The following HMCN1 variants were observed in gnomAD, a reference collection of about 807,000 sequenced individuals.
HMCN1 encodes hemicentin 1, also known as hemicentin-1.
HMCN1 carries 321 observed loss-of-function variants against 625.9 expected under a neutral mutation model. The observed-to-expected ratio is 0.51, with a 90% CI of 0.47 to 0.56. The LOEUF is 0.56. Among genes scored for constraint, HMCN1 ranks in the 20% least tolerant of loss-of-function variants. The pLI is 0.00. For synonymous variants in HMCN1, 2,425 were observed against 2,417.6 expected (o/e 1.00, Z -0.09); for missense variants, 6,588 against 6,887.3 (o/e 0.96, Z 1.54).
intron 30 of HMCN1, among the ~76,000 whole-genome samples, chr1:186,011,758 A>C (rs192429519): frequency 2.0e-4 from 30 of 152,320 alleles, no homozygotes; most frequent in African/African-American, 7.0e-4. Flanking sequence ...ACTTGTGACT[A>C]AAACAACACA....
Position 186,154,042 on chromosome 1 carries a change from AAAAATTC to A in HMCN1, c.15256+61_15256+67del. The A allele has an allele frequency of 2.1e-6, 3 of 1,423,540 alleles. No individual in the cohort carries two copies. In the South Asian group the frequency reaches 3.5e-5, roughly 17 times the overall value. The allele number at this position is 1,423,540 out of a possible 1,614,324, so 88.2% of individuals were successfully genotyped here. ...TATGCCATCCAGTCTAAAGGGTTAA[AAAAATTC>A]AAAATAAGGACATTGAGGCCTACAT... On this transcript the variant is annotated intron_variant, in intron 97 of 106. Coordinates refer to ENST00000271588, the MANE Select transcript of HMCN1 (RefSeq NM_031935.3).
At chr1:185,879,719 G>C (rs185301255) in intron 4 of HMCN1, among the ~76,000 whole-genome samples, 1 of 152,302 alleles carries the variant, frequency 6.6e-6, no homozygotes, top group Admixed American at 6.5e-5. Context: ...TTGTGAGAAA[G>C]TAAGACGTCT....
At position 185,989,527 on chromosome 1, in the gene HMCN1, G is replaced by A. The variant is rs1249094634; in HGVS notation, c.3088G>A (p.Ala1030Thr). The change falls in exon 21 of 107, where the codon GCA (alanine) becomes ACA (threonine). Residue 1030 changes from alanine to threonine, a missense_variant. By Grantham distance (58) the Ala-to-Thr change is moderately conservative (BLOSUM62 0). Coordinates refer to ENST00000271588, the MANE Select transcript of HMCN1 (RefSeq NM_031935.3). ...LISTSSAKFS[A>T]GADGSLYVVS... is the part of the protein sequence containing the mutation. ...TTCAACCAGCAGTGCTAAGTTTTCA[G>A]CAGGAGCTGATGGTAGTCTGTATGT... 2.5e-6 allele frequency: 4 copies of A among 1,614,094 alleles called. No individual in the cohort carries two copies. The South Asian group carries it at 4.4e-5, about 18-fold the overall frequency.
intron 6 of HMCN1, among the ~76,000 whole-genome samples, chr1:185,916,396 G>A (rs1444777357): frequency 6.6e-6 from 1 of 152,036 alleles, no homozygotes; most frequent in Non-Finnish European, 1.5e-5. Context: ...GAGGAAAGTG[G>A]GGGAAAATAG....
At chr1:185,750,547 T>C (rs1261321104) in intron 1 of HMCN1, among the ~76,000 whole-genome samples, 1 of 152,180 alleles carries the variant, frequency 6.6e-6, no homozygotes, top group East Asian at 1.9e-4. Context: ...TTGTTCATTT[T>C]ATCTTTAAAT....
At chr1:186,013,724 A>G (rs534793563) in intron 30 of HMCN1, among the ~76,000 whole-genome samples, 24 of 152,260 alleles carry the variant, frequency 1.6e-4, no homozygotes, top group Middle Eastern at 6.8e-3. Context: ...AAAATAAAAT[A>G]GTGAGGGTAT....
intron 82 of HMCN1, 120 bp from the exon 83 acceptor site, chr1:186,127,958 G>A (rs1250601585): frequency 1.7e-5 from 15 of 861,722 alleles, no homozygotes; most frequent in South Asian, 2.9e-5. Context: ...CTAAAAGATG[G>A]AAATTTAAAT....
chr1:186,122,776 G>A (rs983787928), intron 80 of HMCN1, among the ~76,000 whole-genome samples, 175 bp from the exon 81 acceptor site: 3 of 152,048 alleles, frequency 2.0e-5, no homozygotes, highest in Admixed American at 6.5e-5. Flanking sequence ...TTTCTGAAGT[G>A]CGCCCAGATA....
intron 36 of HMCN1, among the ~76,000 whole-genome samples, chr1:186,028,967 C>T (rs12032245): frequency 6.6e-6 from 1 of 151,630 alleles, no homozygotes; most frequent in Non-Finnish European, 1.5e-5. Context: ...CCTCGTGATC[C>T]GTGATCCGTC....
chr1:185,864,643 AC>A lies in HMCN1; in HGVS notation c.498+19del. ...AACAGTCACAAGTGAGTAAGAATCA[AC>A]CCCAAACGTCTCTGTCTAAATGCAG... On this transcript the variant is annotated intron_variant, in intron 3 of 106. Transcript: ENST00000271588. The A allele has an allele frequency of 6.2e-7, 1 of 1,613,196 alleles. No individual in the cohort carries two copies.
intron 11 of HMCN1, among the ~76,000 whole-genome samples, chr1:185,951,724 A>G (rs528243308): frequency 1.8e-4 from 28 of 151,746 alleles, no homozygotes; most frequent in Non-Finnish European, 3.4e-4. Context: ...GGCTGAGGGC[A>G]TTTCTTGGCC....
intron 15 of HMCN1, among the ~76,000 whole-genome samples, chr1:185,977,384 G>A (rs2101988616): frequency 6.6e-6 from 1 of 152,060 alleles, no homozygotes; most frequent in East Asian, 1.9e-4. Flanking sequence ...TTCAACCAAA[G>A]GAGTAAGTTA....
intron 72 of HMCN1, 45 bp downstream of exon 72, chr1:186,112,998 A>G: frequency 1.9e-6 from 3 of 1,605,424 alleles, no homozygotes; most frequent in Non-Finnish European, 2.6e-6. Context: ...AATCTGACCA[A>G]GGGCATTCAA....
At position 185,803,205 on chromosome 1, in the gene HMCN1, C is replaced by CAAAAAAAAAAAAAAAAAAAAAAA; in HGVS notation, c.269-42803_269-42802insAAAAAAAAAAAAAAAAAAAAAAA. 4.6e-3 allele frequency among the ~76,000 whole-genome samples: 270 copies of CAAAAAAAAAAAAAAAAAAAAAAA among 58,706 alleles called. 1 individual carries two copies. The highest frequency in any genetic ancestry group is 7.7e-3 in the Non-Finnish European group (184 of 23,876). The allele number at this position is 58,706 out of a possible 152,430, so 38.5% of individuals were successfully genotyped here. ...AGCAGAACCAAAAAAAAAAAAAAAG[C>CAAAAAAAAAAAAAAAAAAAAAAA]AAAAAAAAAAAAAAAAAACAAAACA... On this transcript the variant is annotated intron_variant, in intron 1 of 106. Transcript: ENST00000271588.
At chr1:185,854,428 G>C (rs769080908) in intron 2 of HMCN1, among the ~76,000 whole-genome samples, 4 of 152,152 alleles carry the variant, frequency 2.6e-5, no homozygotes, top group Non-Finnish European at 5.9e-5. Context: ...AGTAACACTA[G>C]TTAAAGATTT....
chr1:186,137,924 G>A lies in HMCN1; in HGVS notation c.13876G>A (p.Glu4626Lys). ...AGTTCAGCATGGTGGGCGGCCATGTGAAGGGAATGCTGTGGAAATAATTAT... is the reference window on the plus strand; with the variant it reads ...AGTTCAGCATGGTGGGCGGCCATGTAAAGGGAATGCTGTGGAAATAATTAT... The part of the protein sequence containing the change: ...PSVQHGGRPC[E>K]GNAVEIIMCN... The change falls in exon 89 of 107, where the codon GAA (glutamate) becomes AAA (lysine). Residue 4626 changes from glutamate to lysine, a missense_variant. By Grantham distance (56) the Glu-to-Lys change is moderately conservative. Coordinates refer to ENST00000271588, the MANE Select transcript of HMCN1 (RefSeq NM_031935.3). The A allele has an allele frequency of 6.2e-7, 1 of 1,614,052 alleles. No individual in the cohort carries two copies. Among genetic ancestry groups the A allele is most frequent in the Non-Finnish European group, 8.5e-7 (1 of 1,179,962 alleles).
At chr1:186,007,792 A>G (rs1653739009) in intron 30 of HMCN1, among the ~76,000 whole-genome samples, 1 of 152,128 alleles carries the variant, frequency 6.6e-6, no homozygotes, top group South Asian at 2.1e-4. Flanking sequence ...TATTTTCCGT[A>G]ACATTATCAG....
intron 1 of HMCN1, among the ~76,000 whole-genome samples, chr1:185,771,882 A>G (rs1475779268): frequency 2.6e-5 from 4 of 152,306 alleles, no homozygotes; most frequent in Non-Finnish European, 4.4e-5. Context: ...ACGTGCTTCA[A>G]TTAGTATTGT....
At chr1:185,817,905 C>T (rs368089072) in intron 1 of HMCN1, among the ~76,000 whole-genome samples, 1 of 152,238 alleles carries the variant, frequency 6.6e-6, no homozygotes, top group South Asian at 2.1e-4. Flanking sequence ...TACTTTTAGT[C>T]CTTTACAGCT....
Sources: gnomAD v4.1 joint callset for allele counts (sites outside exome capture counted in the v4.1 genomes callset) on GRCh38, gnomAD v4.1.1 for gene constraint, MANE v1.5 for transcripts, NCBI Gene and HGNC (gene_info 2026-07-23, HGNC 2026-07-21) for gene names.